Variants in LRRC8A observed in about 807,000 individuals in gnomAD.
LRRC8A encodes the protein volume-regulated anion channel subunit LRRC8A.
A neutral mutation model predicts 52.5 loss-of-function variants in LRRC8A; 24 were observed. The observed-to-expected ratio is 0.46, with a 90% CI of 0.33 to 0.64. The LOEUF is 0.64. Ranked by LOEUF, LRRC8A falls within the 30% of genes least tolerant of loss-of-function variation. LRRC8A has a pLI of 0.02. For synonymous variants in LRRC8A, 492 were observed against 494.2 expected (o/e 1.00, Z 0.06); for missense variants, 677 against 1,094.7 (o/e 0.62, Z 5.38).
At position 128,908,703 on chromosome 9, in the gene LRRC8A, T is replaced by C. The variant is rs1840363853; in HGVS notation, c.1539T>C (p.Tyr513=). 1.2e-6 allele frequency: 2 copies of C among 1,612,876 alleles called. No homozygotes were observed. Among genetic ancestry groups the C allele is most frequent in the African/African-American group, 1.3e-5 (1 of 74,914 alleles). ...TCAAGGAGATCCCGCTGTGGATCTA[T>C]AGCCTGAAGACACTGGAGGAGCTGC... The part of the protein sequence containing the change: ...TDIKEIPLWI[Y]SLKTLEELHL... Residue 513 remains tyrosine (Y), a synonymous_variant, in exon 3 of 4, where the codon TAT becomes TAC. Coordinates refer to ENST00000372600, the MANE Select transcript of LRRC8A (RefSeq NM_019594.4).
chr9:128,896,477 C>T (rs566121036), intron 2 of LRRC8A, among the ~76,000 whole-genome samples: 11 of 152,274 alleles, frequency 7.2e-5, no homozygotes, highest in African/African-American at 2.6e-4. Context: ...GTGCATCCTA[C>T]CTTCTCTAAG....
intron 2 of LRRC8A, among the ~76,000 whole-genome samples, chr9:128,890,358 A>C (rs148749438): frequency 1.3e-4 from 20 of 152,158 alleles, no homozygotes; most frequent in Non-Finnish European, 2.4e-4. Flanking sequence ...CTCAAAATTA[A>C]ATTGCTTGCT....
chr9:128,913,205 G>A (rs1840637966), intron 3 of LRRC8A, among the ~76,000 whole-genome samples: 1 of 152,184 alleles, frequency 6.6e-6, no homozygotes, highest in Non-Finnish European at 1.5e-5. Flanking sequence ...ACTTTGGCCA[G>A]AGAGTTAAGG....
At chr9:128,912,288 G>A in intron 3 of LRRC8A, among the ~76,000 whole-genome samples, 1 of 152,208 alleles carries the variant, frequency 6.6e-6, no homozygotes, top group East Asian at 1.9e-4. Context: ...GGGACATGGG[G>A]ATGAAGAAGG....
At chr9:128,900,101 A>T (rs1396168833) in intron 2 of LRRC8A, among the ~76,000 whole-genome samples, 2 of 151,914 alleles carry the variant, frequency 1.3e-5, no homozygotes, top group African/African-American at 4.8e-5. Flanking sequence ...CCCTGTGGGG[A>T]TTCCTCAGGG....
intron 2 of LRRC8A, among the ~76,000 whole-genome samples, chr9:128,904,865 G>A (rs1227218942): frequency 6.6e-6 from 1 of 151,868 alleles, no homozygotes; most frequent in East Asian, 1.9e-4. Flanking sequence ...GGTGTGGTGG[G>A]CGGGTGCCTG....
Position 128,916,771 on chromosome 9 carries a change from A to C in LRRC8A, c.*400A>C. The C allele has an allele frequency of 5.9e-6, 1 of 170,584 alleles. No homozygotes were observed. 10.6% of individuals were successfully genotyped at this position (170,584 alleles called of 1,614,324 possible). A position where few individuals can be genotyped will look rare whatever the true frequency, so the allele number is the denominator to read the frequency against. ...TCATCCAGATAACTTATACATTCCC[A>C]AGAAAGTTCAGCCCAGATGGAAGGT... On this transcript the variant is annotated 3_prime_UTR_variant, in exon 4 of 4. Transcript: ENST00000372600. This position sits in a 1 kb window ranked among gnomAD's most constrained non-coding sequence, Gnocchi z 6.1.
Position 128,908,867 on chromosome 9 carries a change from A to G in LRRC8A, c.1703A>G (p.His568Arg), listed in dbSNP as rs539261555. ...CAGGTGGTCACAGATGTGGGCGTGC[A>G]CCTGCAGAAGCTGTCCATCAACAAT... Reference protein sequence around the residue: ...LPQVVTDVGVHLQKLSINNEG... With the variant: ...LPQVVTDVGVRLQKLSINNEG... Residue 568 changes from histidine (H) to arginine (R), a missense_variant, in exon 3 of 4, where the codon CAC becomes CGC. This residue lies in a region of LRRC8A where 422 missense variants were observed against 741.5 expected (regional missense o/e 0.57). Transcript: ENST00000372600. 1.2e-6 allele frequency: 2 copies of G among 1,613,786 alleles called. No individual in the cohort carries two copies. Among genetic ancestry groups the G allele is most frequent in the African/African-American group, 1.3e-5 (1 of 75,034 alleles).
At chr9:128,890,453 C>T (rs1348951052) in intron 2 of LRRC8A, among the ~76,000 whole-genome samples, 5 of 152,304 alleles carry the variant, frequency 3.3e-5, no homozygotes, top group South Asian at 4.1e-4. Flanking sequence ...GCCACCTGGA[C>T]GCCGTCAGAG....
In LRRC8A at chr9:128,887,886, G is replaced by A. The variant is rs377078606; in HGVS notation, c.-9+1765G>A. Among the ~76,000 whole-genome samples, 63 of 151,304 alleles carry A rather than the reference G, an allele frequency of 4.2e-4. 1 individual carries two copies. In the East Asian group the frequency reaches 0.012, roughly 28 times the overall value. ...TCTTGATCTCCTGACCTTGTGATCC[G>A]CCGCCTTGGCCTCCCAAAGTGCTGG... On this transcript the variant is annotated intron_variant, in intron 2 of 3. Transcript: ENST00000372600.
intron 2 of LRRC8A, among the ~76,000 whole-genome samples, chr9:128,894,521 A>G (rs1002049177): frequency 6.8e-6 from 1 of 147,598 alleles, no homozygotes; most frequent in Non-Finnish European, 1.5e-5. Flanking sequence ...GACCAGGTAC[A>G]GTGGCTGACA....
intron 3 of LRRC8A, among the ~76,000 whole-genome samples, chr9:128,915,515 C>T (rs1175678215): frequency 6.6e-6 from 1 of 152,068 alleles, no homozygotes; most frequent in South Asian, 2.1e-4. Context: ...TTAGTAGAGA[C>T]GGGGTTTCAC....
chr9:128,892,656 G>A lies in LRRC8A; in HGVS notation c.-9+6535G>A, dbSNP rs548253310. On this transcript the variant is annotated intron_variant, in intron 2 of 3. Coordinates refer to ENST00000372600, the MANE Select transcript of LRRC8A (RefSeq NM_019594.4). The surrounding 1 kb of genome is among the most constrained non-coding windows in gnomAD (Gnocchi z 5.2). Reference sequence around the variant, plus strand: ...GCCCTGGGGAGGGTGGAGGCTGTGTGTGCCAGACGAGGCTGAGACCTCTCC... The same window carrying A: ...GCCCTGGGGAGGGTGGAGGCTGTGTATGCCAGACGAGGCTGAGACCTCTCC... Among the ~76,000 whole-genome samples the A allele has an allele frequency of 9.2e-5, 14 of 152,326 alleles. No individual in the cohort carries two copies. Among genetic ancestry groups the A allele is most frequent in the Non-Finnish European group, 1.6e-4 (11 of 68,016 alleles).
chr9:128,898,413 C>T (rs529818206), intron 2 of LRRC8A, among the ~76,000 whole-genome samples: 2 of 152,306 alleles, frequency 1.3e-5, no homozygotes, highest in African/African-American at 4.8e-5. Flanking sequence ...TGCCAGGCCC[C>T]GCCTGTCTCT....
intron 2 of LRRC8A, among the ~76,000 whole-genome samples, chr9:128,898,883 G>A (rs551544098): frequency 2.0e-5 from 3 of 152,360 alleles, no homozygotes; most frequent in Admixed American, 2.0e-4. Context: ...GAGCCCACAG[G>A]GCATTTGTCA....
intron 2 of LRRC8A, among the ~76,000 whole-genome samples, chr9:128,906,692 A>G (rs1840265916): frequency 6.6e-6 from 1 of 152,040 alleles, no homozygotes; most frequent in African/African-American, 2.4e-5. Flanking sequence ...TTCTTTCCTC[A>G]TATTTTGCGG....
At chr9:128,914,237 C>G (rs1054432918) in intron 3 of LRRC8A, among the ~76,000 whole-genome samples, 2 of 144,932 alleles carry the variant, frequency 1.4e-5, no homozygotes, top group Non-Finnish European at 3.0e-5. Context: ...AAAAAGCACT[C>G]TGCCGGGCCT....
chr9:128,913,172 G>T lies in LRRC8A; in HGVS notation c.2158-2924G>T, dbSNP rs529247372. Among the ~76,000 whole-genome samples, 10 of 152,290 alleles carry T rather than the reference G, an allele frequency of 6.6e-5. No homozygotes were observed. In the South Asian group the frequency reaches 2.1e-3, roughly 32 times the overall value. The stretch of plus-strand genomic sequence containing the variant: ...GCGTGGGGCACATGGGGCCTGGGGA[G>T]TTGGCTGGATTAGGAACTGGTGACT... On this transcript the variant is annotated intron_variant, in intron 3 of 3. Coordinates refer to ENST00000372600, the MANE Select transcript of LRRC8A (RefSeq NM_019594.4).
At chr9:128,915,688 C>A (rs1457910183) in intron 3 of LRRC8A, among the ~76,000 whole-genome samples, 1 of 152,194 alleles carries the variant, frequency 6.6e-6, no homozygotes, top group Non-Finnish European at 1.5e-5. Flanking sequence ...CTGGGCAGAA[C>A]CAACAGCCTG....
Sources: allele counts gnomAD v4.1 joint callset (sites outside exome capture counted in the v4.1 genomes callset), GRCh38; gene constraint gnomAD v4.1.1; regional missense constraint gnomAD v4.1.1; non-coding constraint Gnocchi (gnomAD v3.1); transcripts MANE v1.5; gene names NCBI Gene and HGNC (gene_info 2026-07-23, HGNC 2026-07-21).